UPP1: variants seen among roughly 807,000 people sequenced by gnomAD.
The protein encoded by UPP1 is uridine phosphorylase 1.
A neutral mutation model predicts 29.6 loss-of-function variants in UPP1; 25 were observed. The observed-to-expected ratio is 0.85, with a 90% CI of 0.62 to 1.18. The LOEUF is 1.18. UPP1 is among the 50% of genes most tolerant of loss of function. The pLI, the probability that UPP1 is intolerant of heterozygous loss-of-function variation, is 0.00. For synonymous variants in UPP1, 165 were observed against 159.8 expected (o/e 1.03, Z -0.25); for missense variants, 368 against 410.4 (o/e 0.90, Z 0.89).
intron 2 of UPP1, among the ~76,000 whole-genome samples, chr7:48,093,785 G>A (rs780343784): frequency 1.4e-4 from 21 of 150,574 alleles, no homozygotes; most frequent in Non-Finnish European, 1.5e-4. Flanking sequence ...CCCTGTCCCC[G>A]CTGCTCCCCC....
At chr7:48,095,440 G>A (rs1420199914) in intron 3 of UPP1, among the ~76,000 whole-genome samples, 1 of 152,052 alleles carries the variant, frequency 6.6e-6, no homozygotes, top group Non-Finnish European at 1.5e-5. Flanking sequence ...ACCACCCAGG[G>A]TTGTGGTGAC....
intron 6 of UPP1, 28 bp downstream of exon 6, chr7:48,103,439 C>T (rs747971916): frequency 2.2e-5 from 35 of 1,579,582 alleles, no homozygotes; most frequent in Admixed American, 1.2e-4. Context: ...GCCTCTTGCC[C>T]TGTGAATGGA....
In UPP1 at chr7:48,094,294, A is replaced by G. The variant is rs889992706; in HGVS notation, c.-21-469A>G. Among the ~76,000 whole-genome samples, 20 of 152,068 alleles carry G rather than the reference A, an allele frequency of 1.3e-4. 1 individual carries two copies. Among genetic ancestry groups the G allele is most frequent in the African/African-American group, 3.6e-4 (15 of 41,382 alleles). Reference sequence around the variant, plus strand: ...TTTTGAGACGGAGTGTCGCTCTGCAACCTCTGCCTCCCAGGTTCAAGCGAT... The same window carrying G: ...TTTTGAGACGGAGTGTCGCTCTGCAGCCTCTGCCTCCCAGGTTCAAGCGAT... On this transcript the variant is annotated intron_variant, in intron 2 of 8. Transcript: ENST00000395564.
chr7:48,089,424 T>G lies in UPP1; in HGVS notation c.-199+6T>G, dbSNP rs1791689792. The G allele has an allele frequency of 6.6e-6, 1 of 152,120 alleles. No homozygotes were observed. Among genetic ancestry groups the G allele is most frequent in the African/African-American group, 2.4e-5 (1 of 41,360 alleles). 9.4% of individuals were successfully genotyped at this position (152,120 alleles called of 1,614,324 possible). A position where few individuals can be genotyped will look rare whatever the true frequency, so the allele number is the denominator to read the frequency against. ...CTCTCTGCGCAGGCCGAGTGGTGAG[T>G]CGCCCGCGGCCCGGCTCCCGCCGTT... On this transcript the variant is annotated splice_donor_region_variant and intron_variant, in intron 1 of 8. Coordinates refer to ENST00000395564, the MANE Select transcript of UPP1 (RefSeq NM_003364.4).
intron 3 of UPP1, among the ~76,000 whole-genome samples, chr7:48,095,288 T>G (rs1792068552): frequency 6.6e-6 from 1 of 152,202 alleles, no homozygotes; most frequent in South Asian, 2.1e-4. Context: ...TTCATTCTGA[T>G]TCCTATGTGA....
At position 48,102,930 on chromosome 7, in the gene UPP1, A is replaced by G. The variant is rs1342395160; in HGVS notation, c.322-367A>G. The stretch of plus-strand genomic sequence containing the variant: ...TGTAGGGAGAAAAGAGAAAGGAGAT[A>G]AAACTTTAACCTGTGGTGGGGTGTG... On this transcript the variant is annotated intron_variant, in intron 5 of 8. Coordinates refer to ENST00000395564, the MANE Select transcript of UPP1 (RefSeq NM_003364.4). Among the ~76,000 whole-genome samples the G allele has an allele frequency of 2.6e-5, 4 of 152,290 alleles. 1 individual carries two copies. The highest frequency in any genetic ancestry group is 4.2e-4 in the South Asian group (2 of 4,816).
rs1274102415 is a variant in UPP1, at chr7:48,108,478, G to T, written c.*121G>T. 14 of 1,209,656 alleles carry T rather than the reference G, an allele frequency of 1.2e-5. No homozygotes were observed. In the Admixed American group the frequency reaches 3.0e-4, roughly 26 times the overall value. 74.9% of individuals were successfully genotyped at this position (1,209,656 alleles called of 1,614,324 possible). A position where few individuals can be genotyped will look rare whatever the true frequency, so the allele number is the denominator to read the frequency against. On this transcript the variant is annotated 3_prime_UTR_variant, in exon 9 of 9. Coordinates refer to ENST00000395564, the MANE Select transcript of UPP1 (RefSeq NM_003364.4). ...ACAAGAATCTAGAAAATCAGATCGC[G>T]ATTAAGAGACAGAGAATCTTGGATT... is the stretch of plus-strand genomic sequence containing the variant.
At chr7:48,096,435 G>A (rs1792134433) in intron 3 of UPP1, among the ~76,000 whole-genome samples, 1 of 152,146 alleles carries the variant, frequency 6.6e-6, no homozygotes, top group African/African-American at 2.4e-5. Context: ...GAGTGGAACT[G>A]GATCTTACTC....
rs1467099581 is a variant in UPP1 at position 48,103,669 on chromosome 7, T to C, written c.436+258T>C. ...ATGGGGGAAACTCATCCTTTTGGGG[T>C]TACACAATTTGTGCCTTCTTGTCTG... is the stretch of plus-strand genomic sequence containing the variant. On this transcript the variant is annotated intron_variant, in intron 6 of 8. Coordinates refer to ENST00000395564, the MANE Select transcript of UPP1 (RefSeq NM_003364.4). 5 of 1,077,660 alleles carry C rather than the reference T, an allele frequency of 4.6e-6. No individual in the cohort carries two copies. The East Asian group carries it at 2.1e-4, about 45-fold the overall frequency. The allele number at this position is 1,077,660 out of a possible 1,614,324, so 66.8% of individuals were successfully genotyped here. A position where few individuals can be genotyped will look rare whatever the true frequency, so the allele number is the denominator to read the frequency against.
In UPP1 at chr7:48,094,285, C is replaced by CG; in HGVS notation, c.-21-477dup. The stretch of plus-strand genomic sequence containing the variant: ...TGTTTTGTTTTTTGAGACGGAGTGT[C>CG]GCTCTGCAACCTCTGCCTCCCAGGT... On this transcript the variant is annotated intron_variant, in intron 2 of 8. Coordinates refer to ENST00000395564, the MANE Select transcript of UPP1 (RefSeq NM_003364.4). 2.0e-5 allele frequency among the ~76,000 whole-genome samples: 3 copies of CG among 152,278 alleles called. No individual in the cohort carries two copies. The South Asian group carries it at 6.2e-4, about 32-fold the overall frequency.
At chr7:48,093,790 T>C (rs996093313) in intron 2 of UPP1, among the ~76,000 whole-genome samples, 4 of 152,040 alleles carry the variant, frequency 2.6e-5, no homozygotes, top group African/African-American at 9.7e-5. Flanking sequence ...TCCCCGCTGC[T>C]CCCCCTGGAG....
At position 48,101,860 on chromosome 7, in the gene UPP1, G is replaced by A. The variant is rs1583872134; in HGVS notation, c.199G>A (p.Ala67Thr). 1 of 1,614,028 alleles carries A rather than the reference G, an allele frequency of 6.2e-7. No individual in the cohort carries two copies. The highest frequency in any genetic ancestry group is 2.2e-5 in the East Asian group (1 of 44,876). The stretch of plus-strand genomic sequence containing the variant: ...TGGTGGAAGCCCCTCCCGGATGAAA[G>A]CCTTCATCAGGTGCGTTGGTGCAGA... ...CVGGSPSRMK[A>T]FIRCVGAELG... Residue 67 changes from alanine (A) to threonine (T), a missense_variant, in exon 5 of 9, where the codon GCC (alanine) becomes ACC (threonine). Physicochemically the swap from Ala to Thr is moderately conservative, Grantham distance 58. Transcript: ENST00000395564.
At chr7:48,095,541 A>G (rs1792083448) in intron 3 of UPP1, among the ~76,000 whole-genome samples, 1 of 151,400 alleles carries the variant, frequency 6.6e-6, no homozygotes, top group Non-Finnish European at 1.5e-5. Flanking sequence ...ACAGCTGCAT[A>G]CCCAGGTCAT....
chr7:48,089,244 C>T (rs1791675610), upstream of UPP1: 1 of 152,282 alleles, frequency 6.6e-6, no homozygotes, highest in African/African-American at 2.4e-5. Flanking sequence ...ATATGAGATT[C>T]ACCTCGCAGG....
intron 2 of UPP1, among the ~76,000 whole-genome samples, chr7:48,091,826 G>A (rs181408936): frequency 7.2e-5 from 11 of 152,298 alleles, no homozygotes; most frequent in Admixed American, 7.2e-4. Flanking sequence ...GAAGGAGCCA[G>A]CGGAAAGCAG....
intron 7 of UPP1, 58 bp downstream of exon 7, chr7:48,107,140 G>T: frequency 1.3e-6 from 2 of 1,585,780 alleles, no homozygotes; most frequent in Non-Finnish European, 1.7e-6. Flanking sequence ...TCCGTCCCCT[G>T]AGCCTGCCTT....
chr7:48,091,557 T>C (rs1482249048), intron 2 of UPP1, among the ~76,000 whole-genome samples: 1 of 152,220 alleles, frequency 6.6e-6, no homozygotes, highest in African/African-American at 2.4e-5. Context: ...AACATTGTGG[T>C]ACAATGTTAG....
rs778576516 is a variant in UPP1, at chr7:48,108,277, C to G, written c.853C>G (p.Arg285Gly). 1 of 1,614,084 alleles carries G rather than the reference C, an allele frequency of 6.2e-7. No individual in the cohort carries two copies. The highest frequency in any genetic ancestry group is 8.5e-7 in the Non-Finnish European group (1 of 1,180,042). ...RLEGDQISSP[R>G]NVLSEYQQRP... ...GGAAGGGGACCAGATCAGCAGCCCT[C>G]GCAATGTGCTCAGCGAGTACCAGCA... The change falls in exon 9 of 9, where the codon CGC becomes GGC. Residue 285 changes from arginine (R) to glycine (G), a missense_variant. By Grantham distance (125) the Arg-to-Gly change is moderately radical. Transcript: ENST00000395564.
At chr7:48,099,631 GA>G (rs1313397056) in intron 3 of UPP1, 38 bp from the exon 4 acceptor site, 1 of 1,426,620 alleles carries the variant, frequency 7.0e-7, no homozygotes, top group African/African-American at 1.4e-5. Flanking sequence ...GTCGGGCACT[GA>G]TGTTCTATAA....
Sources: allele counts gnomAD v4.1 joint callset (sites outside exome capture counted in the v4.1 genomes callset), GRCh38; gene constraint gnomAD v4.1.1; transcripts MANE v1.5; gene names NCBI Gene and HGNC (gene_info 2026-07-23, HGNC 2026-07-21).